The following SLC10A7 variants were observed in gnomAD, a reference collection of about 807,000 sequenced individuals.
SLC10A7 encodes solute carrier family 10 member 7, also known as sodium/bile acid cotransporter 7.
SLC10A7 carries 29 observed loss-of-function variants against 43.2 expected under a neutral mutation model. The ratio of observed to expected loss-of-function variants is 0.67; its 90% CI spans 0.50 to 0.92. The LOEUF (loss-of-function observed/expected upper bound fraction) is 0.92, where lower values mean the gene tolerates loss of function less well. Among genes scored for constraint, SLC10A7 ranks in the 40% least tolerant of loss-of-function variants. The pLI is 0.00. For missense variants in SLC10A7, 295 were observed against 403.2 expected, an observed-to-expected ratio of 0.73 and a Z score of 2.30; for synonymous variants, 152 against 144.8, an observed-to-expected ratio of 1.05 and a Z score of -0.35.
At chr4:146,267,548 T>C (rs1445741470) in intron 10 of SLC10A7, among the ~76,000 whole-genome samples, 1 of 152,228 alleles carries the variant, frequency 6.6e-6, no homozygotes, top group East Asian at 1.9e-4. Context: ...ATGCAGATTG[T>C]GCTGCCTTAC....
intron 4 of SLC10A7, among the ~76,000 whole-genome samples, chr4:146,464,340 T>G (rs1190815792): frequency 4.6e-5 from 7 of 152,138 alleles, no homozygotes; most frequent in Non-Finnish European, 8.8e-5. Flanking sequence ...ATTAAAAGGT[T>G]TGAAAAGATA....
At chr4:146,331,953 T>TA (rs933726187) in intron 5 of SLC10A7, among the ~76,000 whole-genome samples, 1 of 152,194 alleles carries the variant, frequency 6.6e-6, no homozygotes, top group Non-Finnish European at 1.5e-5. Context: ...TCAGGGTATA[T>TA]AGTCTCCAAA....
intron 5 of SLC10A7, among the ~76,000 whole-genome samples, chr4:146,389,326 A>AG (rs1738250138): frequency 6.6e-6 from 1 of 151,698 alleles, no homozygotes; most frequent in African/African-American, 2.4e-5. Context: ...ATAAAAAAAA[A>AG]AAACATTAAA....
chr4:146,519,319 T>C (rs1738396235), intron 1 of SLC10A7, among the ~76,000 whole-genome samples: 2 of 144,424 alleles, frequency 1.4e-5, no homozygotes, highest in Non-Finnish European at 3.0e-5. Context: ...ATATAATACA[T>C]TATTTAACAT....
chr4:146,267,110 G>A lies in SLC10A7; in HGVS notation c.848-8273C>T, dbSNP rs1283054323. On this transcript the variant is annotated intron_variant, in intron 10 of 11. Transcript: ENST00000335472. ...CACCCAATACCAAGATCATTACACA[G>A]GGCAGTGGAAAAATGCAGCACTGTC... 2.6e-5 allele frequency among the ~76,000 whole-genome samples: 4 copies of A among 152,090 alleles called. No individual in the cohort carries two copies. The East Asian group carries it at 7.7e-4, about 29-fold the overall frequency.
intron 10 of SLC10A7, among the ~76,000 whole-genome samples, chr4:146,281,602 A>G (rs1362909613): frequency 3.9e-5 from 6 of 152,132 alleles, no homozygotes; most frequent in African/African-American, 1.2e-4. Context: ...CACTAACTTT[A>G]TAAAAGTCCC....
chr4:146,505,415 T>A (rs964366347), intron 3 of SLC10A7, among the ~76,000 whole-genome samples: 1 of 152,202 alleles, frequency 6.6e-6, no homozygotes, highest in Non-Finnish European at 1.5e-5. Flanking sequence ...ATATTATAGG[T>A]AAGGCCTCCA....
chr4:146,452,316 C>A (rs1297854882), intron 4 of SLC10A7, among the ~76,000 whole-genome samples: 2 of 151,976 alleles, frequency 1.3e-5, no homozygotes, highest in East Asian at 3.9e-4. Context: ...GAATTTATAT[C>A]CCATCAGGCT....
intron 4 of SLC10A7, among the ~76,000 whole-genome samples, chr4:146,469,803 ATT>A (rs1205928834): frequency 6.6e-6 from 1 of 151,780 alleles, no homozygotes; most frequent in Non-Finnish European, 1.5e-5. Flanking sequence ...TATGTTTTAA[ATT>A]TTTTTGTAGA....
chr4:146,454,383 C>A (rs1473369730), intron 4 of SLC10A7, among the ~76,000 whole-genome samples: 2 of 151,738 alleles, frequency 1.3e-5, no homozygotes, highest in Non-Finnish European at 2.9e-5. Flanking sequence ...CTTTGTTAAT[C>A]AAGAAACAGA....
chr4:146,382,044 G>C (rs1737662171), intron 5 of SLC10A7, among the ~76,000 whole-genome samples: 1 of 151,578 alleles, frequency 6.6e-6, no homozygotes, highest in African/African-American at 2.4e-5. Flanking sequence ...CTCTCTAAAG[G>C]CATGGGATAA....
At chr4:146,369,099 C>T (rs943982799) in intron 5 of SLC10A7, among the ~76,000 whole-genome samples, 2 of 152,146 alleles carry the variant, frequency 1.3e-5, no homozygotes, top group Non-Finnish European at 2.9e-5. Flanking sequence ...AATGAGAAAG[C>T]AAGCCACTGA....
chr4:146,399,779 G>T (rs1158275019), intron 5 of SLC10A7, among the ~76,000 whole-genome samples: 2 of 152,038 alleles, frequency 1.3e-5, no homozygotes, highest in East Asian at 3.9e-4. Context: ...GCAGTTTAAG[G>T]ATGGTGAGAT....
chr4:146,283,945 A>G (rs1019040880), intron 9 of SLC10A7, among the ~76,000 whole-genome samples: 2 of 152,132 alleles, frequency 1.3e-5, no homozygotes, highest in Non-Finnish European at 2.9e-5. Context: ...GTTCTTAATT[A>G]CTATATTCTA....
At chr4:146,513,173 C>T (rs888593222) in intron 2 of SLC10A7, among the ~76,000 whole-genome samples, 3 of 151,696 alleles carry the variant, frequency 2.0e-5, no homozygotes, top group Non-Finnish European at 2.9e-5. Flanking sequence ...TATCTTTATA[C>T]CTTTCAATTC....
intron 6 of SLC10A7, among the ~76,000 whole-genome samples, chr4:146,320,190 A>C (rs1732604579): frequency 6.6e-6 from 1 of 152,138 alleles, no homozygotes; most frequent in East Asian, 1.9e-4. Flanking sequence ...AAATGAGACC[A>C]GTCAGCATGG....
intron 5 of SLC10A7, among the ~76,000 whole-genome samples, chr4:146,430,015 T>G (rs1729656259): frequency 6.8e-6 from 1 of 146,532 alleles, no homozygotes; most frequent in Non-Finnish European, 1.5e-5. Flanking sequence ...ATCACAGGAC[T>G]AAATGTAAAA....
In SLC10A7 at chr4:146,435,236, G is replaced by T. The variant is rs531022583; in HGVS notation, c.435+7547C>A. 2.0e-5 allele frequency among the ~76,000 whole-genome samples: 3 copies of T among 152,240 alleles called. No individual in the cohort carries two copies. The South Asian group carries it at 6.2e-4, about 32-fold the overall frequency. The stretch of plus-strand genomic sequence containing the variant: ...TGTTTACTTGAAATCCTAAGTCCAT[G>T]ATGAAGTTTGGAGGTCTAACACTGC... On this transcript the variant is annotated intron_variant, in intron 5 of 11. Transcript: ENST00000335472.
chr4:146,444,224 C>CA (rs1730843474), intron 4 of SLC10A7, among the ~76,000 whole-genome samples: 1 of 152,256 alleles, frequency 6.6e-6, no homozygotes, highest in African/African-American at 2.4e-5. Context: ...CTCCTTCCTA[C>CA]AAAAAATGTA....
Sources: gnomAD v4.1 joint callset for allele counts (sites outside exome capture counted in the v4.1 genomes callset) on GRCh38, gnomAD v4.1.1 for gene constraint, MANE v1.5 for transcripts, NCBI Gene and HGNC (gene_info 2026-07-23, HGNC 2026-07-21) for gene names.